SIPA1L2: variants seen among roughly 807,000 people sequenced by gnomAD.
SIPA1L2 encodes the protein signal induced proliferation associated 1 like 2, also known as signal-induced proliferation-associated 1-like protein 2.
In SIPA1L2, 56 loss-of-function variants were observed where a neutral mutation model predicts 163.9. That is an observed-to-expected ratio of 0.34 (90% confidence interval 0.28 to 0.43). The LOEUF (loss-of-function observed/expected upper bound fraction) is 0.43, where lower values mean the gene tolerates loss of function less well. Among genes scored for constraint, SIPA1L2 ranks in the 20% least tolerant of loss-of-function variants. SIPA1L2 has a pLI of 1.00. For synonymous variants in SIPA1L2, 877 were observed against 865.7 expected (o/e 1.01, Z -0.23); for missense variants, 1,974 against 2,193.5 (o/e 0.90, Z 2.00).
chr1:232,518,396 C>A (rs1667306142), intron 2 of SIPA1L2, among the ~76,000 whole-genome samples: 1 of 152,156 alleles, frequency 6.6e-6, no homozygotes, highest in Non-Finnish European at 1.5e-5. Flanking sequence ...TCCCTGGCCA[C>A]AATTATTGGT....
intron 10 of SIPA1L2, among the ~76,000 whole-genome samples, chr1:232,453,604 T>C (rs1426701136): frequency 6.6e-6 from 1 of 152,208 alleles, no homozygotes; most frequent in Non-Finnish European, 1.5e-5. Context: ...CACAAAAATT[T>C]GTGAGGTACA....
intron 14 of SIPA1L2, 93 bp from the exon 15 acceptor site, chr1:232,439,589 C>T (rs1034102276): frequency 1.4e-6 from 2 of 1,423,452 alleles, no homozygotes; most frequent in Non-Finnish European, 1.9e-6. Context: ...CATGGGATCG[C>T]ACCCAAGCCC....
At chr1:232,551,932 T>A (rs1321548520) in intron 2 of SIPA1L2, among the ~76,000 whole-genome samples, 5 of 152,182 alleles carry the variant, frequency 3.3e-5, no homozygotes, top group Non-Finnish European at 7.3e-5. Context: ...CTCTGCCTCC[T>A]GGGTTTAAGC....
rs370764580 is a variant in SIPA1L2, at chr1:232,439,262, G to A, written c.3877C>T (p.Arg1293Trp). 23 of 1,613,964 alleles carry A rather than the reference G, an allele frequency of 1.4e-5. No individual in the cohort carries two copies. Among genetic ancestry groups the A allele is most frequent in the African/African-American group, 4.0e-5 (3 of 74,948 alleles). The change falls in exon 15 of 23, where the codon CGG becomes TGG. Residue 1293 changes from arginine to tryptophan, a missense_variant. Transcript: ENST00000674635. ...LAGSRSLIHSRAEQWADAADV... is the reference protein window; with the variant it reads ...LAGSRSLIHSWAEQWADAADV... ...GCAGCATCAGCCCACTGCTCGGCCC[G>A]GCTGTGGATCAGGGACCTGCTGCCT... is the stretch of plus-strand genomic sequence containing the variant.
intron 2 of SIPA1L2, among the ~76,000 whole-genome samples, chr1:232,553,319 C>T (rs1466829583): frequency 6.6e-6 from 1 of 152,156 alleles, no homozygotes; most frequent in Non-Finnish European, 1.5e-5. Flanking sequence ...GCCCTTCTCT[C>T]TTCTGTTCAT....
chr1:232,597,423 A>G (rs1237130050), intron 1 of SIPA1L2, among the ~76,000 whole-genome samples: 1 of 151,828 alleles, frequency 6.6e-6, no homozygotes, highest in African/African-American at 2.4e-5. Flanking sequence ...CACACCTGTA[A>G]TCCCAGCACT....
At chr1:232,519,445 G>C (rs1320561468) in intron 2 of SIPA1L2, among the ~76,000 whole-genome samples, 1 of 152,148 alleles carries the variant, frequency 6.6e-6, no homozygotes, top group African/African-American at 2.4e-5. Context: ...TCCAAAACTG[G>C]ATGGCACATG....
At chr1:232,606,797 C>T (rs896483858) in intron 1 of SIPA1L2, among the ~76,000 whole-genome samples, 5 of 151,672 alleles carry the variant, frequency 3.3e-5, no homozygotes, top group African/African-American at 1.2e-4. Flanking sequence ...ACATATAAGA[C>T]CAGCAAATAA....
At chr1:232,462,610 T>C (rs1285761579) in intron 9 of SIPA1L2, among the ~76,000 whole-genome samples, 1 of 152,256 alleles carries the variant, frequency 6.6e-6, no homozygotes, top group African/African-American at 2.4e-5. Context: ...TCTAAAGTCA[T>C]GAACTGAAGT....
chr1:232,537,236 CAAAAAT>C (rs899023531), intron 2 of SIPA1L2, among the ~76,000 whole-genome samples: 4 of 151,442 alleles, frequency 2.6e-5, no homozygotes, highest in Non-Finnish European at 5.9e-5. Flanking sequence ...GACCCTGTCT[CAAAAAT>C]AAATAAATAA....
At chr1:232,431,417 A>T (rs945289422) in intron 16 of SIPA1L2, among the ~76,000 whole-genome samples, 1 of 151,994 alleles carries the variant, frequency 6.6e-6, no homozygotes, top group South Asian at 2.1e-4. Context: ...ACACAGGATC[A>T]TTTTTTTTAA....
rs1667181398 is a variant in SIPA1L2, at chr1:232,515,485, A to T, written c.-146T>A. 1.3e-6 allele frequency: 1 copy of T among 779,374 alleles called. No individual in the cohort carries two copies. Among genetic ancestry groups the T allele is most frequent in the East Asian group, 2.8e-5 (1 of 35,952 alleles). 48.3% of individuals were successfully genotyped at this position (779,374 alleles called of 1,614,324 possible). A position where few individuals can be genotyped will look rare whatever the true frequency, so the allele number is the denominator to read the frequency against. ...CTTTTCTTAGCCCAAAGCAAACAAC[A>T]TCCTCAGAATACAGTTTCTTCAAAG... On this transcript the variant is annotated 5_prime_UTR_variant, in exon 3 of 23. An upstream start codon of the reference 5' UTR is lost. Transcript: ENST00000674635.
At chr1:232,591,610 A>G (rs1660962629) in intron 1 of SIPA1L2, among the ~76,000 whole-genome samples, 1 of 152,240 alleles carries the variant, frequency 6.6e-6, no homozygotes, top group South Asian at 2.1e-4. Flanking sequence ...CTCTCTCTTC[A>G]GGCCTTGTGA....
In SIPA1L2 at chr1:232,514,282, TTCC is replaced by T. The variant is rs1320385994; in HGVS notation, c.1055_1057del (p.Gly352_Lys353delinsGlu). On this transcript the variant is annotated inframe_deletion, in exon 3 of 23. Coordinates refer to ENST00000674635, the MANE Select transcript of SIPA1L2 (RefSeq NM_020808.5). Reference sequence around the variant, plus strand: ...TGCCCCAGTGGTTATGTTTTTCCTTTTCCCCACATTAGCCCTCGTAGCCATGGC... The same window carrying T: ...TGCCCCAGTGGTTATGTTTTTCCTTTCCACATTAGCCCTCGTAGCCATGGC... 5 of 1,613,878 alleles carry T rather than the reference TTCC, an allele frequency of 3.1e-6. No individual in the cohort carries two copies. The highest frequency in any genetic ancestry group is 2.7e-5 in the African/African-American group (2 of 74,940).
chr1:232,473,781 C>T (rs930434567), intron 7 of SIPA1L2, among the ~76,000 whole-genome samples: 10 of 152,072 alleles, frequency 6.6e-5, no homozygotes, highest in East Asian at 5.8e-4. Flanking sequence ...AAAAAATAAA[C>T]GATTGGAGGC....
chr1:232,554,704 C>T (rs927179056), intron 2 of SIPA1L2, among the ~76,000 whole-genome samples: 2 of 152,166 alleles, frequency 1.3e-5, no homozygotes, highest in African/African-American at 2.4e-5. Flanking sequence ...CTGCATCAGC[C>T]GTGTTTGGTG....
chr1:232,574,310 T>C (rs926599816), intron 1 of SIPA1L2, among the ~76,000 whole-genome samples, 88 bp from the exon 2 acceptor site: 2 of 152,140 alleles, frequency 1.3e-5, no homozygotes, highest in Non-Finnish European at 2.9e-5. Context: ...TCCCCAGGGG[T>C]CCACAGGGTC....
At chr1:232,575,805 A>G (rs1168676714) in intron 1 of SIPA1L2, among the ~76,000 whole-genome samples, 1 of 152,182 alleles carries the variant, frequency 6.6e-6, no homozygotes, top group Non-Finnish European at 1.5e-5. Context: ...AGAAAACAAC[A>G]TATGGGAAAT....
chr1:232,494,263 T>G (rs1666068488), intron 3 of SIPA1L2, among the ~76,000 whole-genome samples: 1 of 152,232 alleles, frequency 6.6e-6, no homozygotes, highest in Non-Finnish European at 1.5e-5. Context: ...AAAGTCAAAT[T>G]TTATCCACAA....
Sources: gnomAD v4.1 joint callset for allele counts (sites outside exome capture counted in the v4.1 genomes callset) on GRCh38, gnomAD v4.1.1 for gene constraint, MANE v1.5 for transcripts, NCBI Gene and HGNC (gene_info 2026-07-23, HGNC 2026-07-21) for gene names.